SNTG1: variants seen among roughly 807,000 people sequenced by gnomAD.
SNTG1 encodes gamma-1-syntrophin.
SNTG1 carries 39 observed loss-of-function variants against 74.7 expected under a neutral mutation model. That is an observed-to-expected ratio of 0.52 (90% CI 0.40 to 0.68). The LOEUF (loss-of-function observed/expected upper bound fraction) is 0.68, where lower values mean the gene tolerates loss of function less well. SNTG1 is among the 30% of genes least tolerant of loss of function. The pLI is 0.00. For missense variants in SNTG1, 685 were observed against 609.5 expected (o/e 1.12, Z -1.30); for synonymous variants, 254 against 217.1 (o/e 1.17, Z -1.49).
At chr8:50,452,444 T>G (rs1161212639) in intron 8 of SNTG1, among the ~76,000 whole-genome samples, 1 of 152,224 alleles carries the variant, frequency 6.6e-6, no homozygotes, top group Non-Finnish European at 1.5e-5. Context: ...AAAGTGATTT[T>G]AAACTCATTA....
chr8:50,652,486 C>T (rs952914204), intron 13 of SNTG1, among the ~76,000 whole-genome samples: 1 of 151,880 alleles, frequency 6.6e-6, no homozygotes, highest in Admixed American at 6.6e-5. Flanking sequence ...ATCCGTTTTT[C>T]ATTTTATATA....
chr8:50,617,767 T>A (rs190390433), intron 13 of SNTG1, among the ~76,000 whole-genome samples: 65 of 152,248 alleles, frequency 4.3e-4, no homozygotes, highest in East Asian at 4.3e-3. Context: ...AGTAATTAGA[T>A]CGGAACAAAA....
chr8:50,746,300 T>C (rs182961639), intron 17 of SNTG1, among the ~76,000 whole-genome samples: 1 of 152,052 alleles, frequency 6.6e-6, no homozygotes, highest in Admixed American at 6.6e-5. Context: ...TAAGACCAGC[T>C]ACCCCAGCTG....
At chr8:49,972,215 A>G (rs900506302) in intron 1 of SNTG1, among the ~76,000 whole-genome samples, 1 of 152,232 alleles carries the variant, frequency 6.6e-6, no homozygotes, top group Non-Finnish European at 1.5e-5. Flanking sequence ...AATGCCGCAT[A>G]TCTACAACCA....
intron 2 of SNTG1, among the ~76,000 whole-genome samples, chr8:50,338,713 G>A (rs1254444502): frequency 6.6e-6 from 1 of 151,942 alleles, no homozygotes; most frequent in Non-Finnish European, 1.5e-5. Context: ...ATACGTCTAT[G>A]GAAGCTATCT....
At chr8:50,724,637 G>C (rs1444589960) in intron 17 of SNTG1, among the ~76,000 whole-genome samples, 2 of 152,042 alleles carry the variant, frequency 1.3e-5, no homozygotes. Context: ...GATTATTTTT[G>C]GTAGAGGATC....
At chr8:50,169,177 A>G (rs1357471829) in intron 1 of SNTG1, among the ~76,000 whole-genome samples, 3 of 152,224 alleles carry the variant, frequency 2.0e-5, no homozygotes, top group Non-Finnish European at 4.4e-5. Context: ...TTTTCAATGA[A>G]CAATAATTTC....
chr8:50,143,212 G>C (rs2081736016), intron 1 of SNTG1, among the ~76,000 whole-genome samples: 1 of 152,084 alleles, frequency 6.6e-6, no homozygotes, highest in Non-Finnish European at 1.5e-5. Flanking sequence ...TGTTCTAGTG[G>C]GACATTTGTT....
chr8:50,555,123 G>T (rs1032923104), intron 12 of SNTG1, among the ~76,000 whole-genome samples: 1 of 152,088 alleles, frequency 6.6e-6, no homozygotes, highest in South Asian at 2.1e-4. Context: ...CCTAAGGAGG[G>T]ACAAGCCGCA....
At chr8:50,076,619 CTAAA>C (rs34141456) in intron 1 of SNTG1, among the ~76,000 whole-genome samples, 80,978 of 151,410 alleles carry the variant, frequency 0.53, 24,126 homozygotes, top group East Asian at 0.84. Flanking sequence ...TCTCAGGTGT[CTAAA>C]TAGGTATTTC....
chr8:49,969,025 C>G (rs1198930609), intron 1 of SNTG1, among the ~76,000 whole-genome samples: 1 of 152,096 alleles, frequency 6.6e-6, no homozygotes, highest in African/African-American at 2.4e-5. Context: ...TATTTTTGAG[C>G]TTTGGAAATA....
chr8:50,035,815 G>A (rs545534841), intron 1 of SNTG1, among the ~76,000 whole-genome samples: 1 of 152,234 alleles, frequency 6.6e-6, no homozygotes, highest in Non-Finnish European at 1.5e-5. Context: ...ACACAAATCC[G>A]ACAGCATGGA....
At chr8:50,188,800 C>T (rs933754496) in intron 2 of SNTG1, among the ~76,000 whole-genome samples, 7 of 152,100 alleles carry the variant, frequency 4.6e-5, no homozygotes, top group African/African-American at 1.4e-4. Flanking sequence ...GCAGAGTAGA[C>T]GTTCACTGAG....
intron 1 of SNTG1, among the ~76,000 whole-genome samples, chr8:50,073,115 GT>G (rs1403664458): frequency 6.6e-6 from 1 of 152,118 alleles, no homozygotes; most frequent in Non-Finnish European, 1.5e-5. Context: ...AGATTACTCT[GT>G]AGCATGCAAT....
intron 12 of SNTG1, among the ~76,000 whole-genome samples, chr8:50,565,805 T>C (rs1397065756): frequency 2.0e-5 from 3 of 151,992 alleles, no homozygotes; most frequent in Non-Finnish European, 4.4e-5. Context: ...GTTGATTCTG[T>C]AGCTATCCAG....
rs546614919 is a variant in SNTG1, at chr8:50,355,493, T to C, written c.-27-38719T>C. Among the ~76,000 whole-genome samples, 22 of 152,310 alleles carry C rather than the reference T, an allele frequency of 1.4e-4. 1 individual carries two copies. Among genetic ancestry groups the C allele is most frequent in the Non-Finnish European group, 5.9e-5 (4 of 68,030 alleles). ...CACTTTTAAGTTGTGAACTTCTTTA[T>C]ATATTCAACATGCTTTACTATAGAA... On this transcript the variant is annotated intron_variant, in intron 2 of 18. Coordinates refer to ENST00000642720, the MANE Select transcript of SNTG1 (RefSeq NM_018967.5).
intron 11 of SNTG1, among the ~76,000 whole-genome samples, chr8:50,548,850 C>T (rs925474295): frequency 5.9e-5 from 9 of 152,202 alleles, no homozygotes; most frequent in Non-Finnish European, 7.4e-5. Flanking sequence ...GTATTTTTAA[C>T]GGATTCTTCA....
intron 13 of SNTG1, among the ~76,000 whole-genome samples, chr8:50,606,450 G>A (rs2094813097): frequency 6.6e-6 from 1 of 151,814 alleles, no homozygotes; most frequent in African/African-American, 2.4e-5. Flanking sequence ...TTTTTATATT[G>A]ATTTAGTTTC....
intron 2 of SNTG1, among the ~76,000 whole-genome samples, chr8:50,284,089 C>T (rs767042507): frequency 3.7e-4 from 56 of 152,102 alleles, no homozygotes; most frequent in East Asian, 3.9e-4. Flanking sequence ...TTGTCTGTAA[C>T]GGTGTCACAG....
Sources: gnomAD v4.1 joint callset for allele counts (sites outside exome capture counted in the v4.1 genomes callset) on GRCh38, gnomAD v4.1.1 for gene constraint, MANE v1.5 for transcripts, NCBI Gene and HGNC (gene_info 2026-07-23, HGNC 2026-07-21) for gene names.